The following RIMS1 variants were observed in gnomAD, a reference collection of about 807,000 sequenced individuals.
The protein encoded by RIMS1 is regulating synaptic membrane exocytosis 1.
RIMS1 carries 83 observed loss-of-function variants against 214.1 expected under a neutral mutation model. The observed-to-expected ratio is 0.39, with a 90% confidence interval of 0.32 to 0.47. RIMS1 has a LOEUF of 0.47. Among genes scored for constraint, RIMS1 ranks in the 20% least tolerant of loss-of-function variants. RIMS1 has a pLI of 0.99. For missense variants in RIMS1, 2,050 were observed against 2,161.8 expected (o/e 0.95, Z 1.03); for synonymous variants, 793 against 786.8 (o/e 1.01, Z -0.13).
chr6:71,889,937 G>C (rs918831991), intron 1 of RIMS1, among the ~76,000 whole-genome samples: 3 of 152,112 alleles, frequency 2.0e-5, no homozygotes, highest in African/African-American at 7.2e-5. Context: ...ACGGCAATTA[G>C]ACTTAAAATT....
In RIMS1 at chr6:72,235,638, A is replaced by G. The variant is rs758879273; in HGVS notation, c.1767A>G (p.Pro589=). The G allele has an allele frequency of 9.9e-6, 16 of 1,610,660 alleles. No individual in the cohort carries two copies. The highest frequency in any genetic ancestry group is 6.6e-5 in the South Asian group (6 of 90,406). Residue 589 remains proline (P), a synonymous_variant, in exon 8 of 34, where the codon CCA becomes CCG. Coordinates refer to ENST00000521978, the MANE Select transcript of RIMS1 (RefSeq NM_014989.7). ...AACAGCATCCTGTAACGTGGCAACC[A>G]TCTAAAGAGGGGGACCGATTAATTG... is the stretch of plus-strand genomic sequence containing the variant. The part of the protein sequence containing the change: ...PISSHPVTWQ[P]SKEGDRLIGR...
At chr6:72,371,317 T>C (rs1440219219) in intron 29 of RIMS1, among the ~76,000 whole-genome samples, 1 of 152,180 alleles carries the variant, frequency 6.6e-6, no homozygotes, top group African/African-American at 2.4e-5. Flanking sequence ...AATATGTCTT[T>C]GAAAAAAATT....
Position 71,886,882 on chromosome 6 carries a change from G to A in RIMS1, c.-142G>A. On this transcript the variant is annotated 5_prime_UTR_variant, in exon 1 of 34. Transcript: ENST00000521978. ...TCTCCCCGGCTCTGCTGCTGCTGCTGCTGCCGCCGCCGCCGCTGCTCCTCC... is the reference window on the plus strand; with the variant it reads ...TCTCCCCGGCTCTGCTGCTGCTGCTACTGCCGCCGCCGCCGCTGCTCCTCC... 1 of 864,388 alleles carries A rather than the reference G, an allele frequency of 1.2e-6. No homozygotes were observed. The highest frequency in any genetic ancestry group is 1.8e-6 in the Non-Finnish European group (1 of 555,110). The allele number at this position is 864,388 out of a possible 1,614,324, so 53.5% of individuals were successfully genotyped here. A position where few individuals can be genotyped will look rare whatever the true frequency, so the allele number is the denominator to read the frequency against.
At chr6:72,209,041 A>G (rs984525317) in intron 6 of RIMS1, among the ~76,000 whole-genome samples, 3 of 152,138 alleles carry the variant, frequency 2.0e-5, no homozygotes, top group African/African-American at 7.2e-5. Context: ...TCTTTTAAAC[A>G]TGCTTTTCCT....
At chr6:72,165,751 G>GA (rs1041330801) in intron 4 of RIMS1, among the ~76,000 whole-genome samples, 5 of 152,146 alleles carry the variant, frequency 3.3e-5, no homozygotes, top group African/African-American at 1.2e-4. Context: ...TGAGTAAGGA[G>GA]AAAAAATGCT....
chr6:72,314,866 GAAGT>G (rs1467835721), intron 28 of RIMS1, among the ~76,000 whole-genome samples: 1 of 152,046 alleles, frequency 6.6e-6, no homozygotes, highest in African/African-American at 2.4e-5. Flanking sequence ...AAAACAATTT[GAAGT>G]AATTTTTGTT....
chr6:72,229,791 A>G (rs1213160804), intron 6 of RIMS1, among the ~76,000 whole-genome samples: 2 of 151,892 alleles, frequency 1.3e-5, no homozygotes, highest in Non-Finnish European at 2.9e-5. Context: ...TGTTTCCCAA[A>G]TGAATATCCC....
chr6:72,051,028 A>C (rs1438349805), intron 2 of RIMS1, among the ~76,000 whole-genome samples: 13 of 152,172 alleles, frequency 8.5e-5, no homozygotes, highest in Admixed American at 8.5e-4. Flanking sequence ...TGAATTATCA[A>C]ATTTCACACT....
intron 6 of RIMS1, among the ~76,000 whole-genome samples, chr6:72,187,397 A>T (rs544736949): frequency 6.6e-6 from 1 of 152,022 alleles, no homozygotes; most frequent in African/African-American, 2.4e-5. Context: ...TGTTGTATGA[A>T]CACATATTTT....
In RIMS1 at chr6:72,330,688, C is replaced by T. The variant is rs960258038; in HGVS notation, c.4131-2912C>T. On this transcript the variant is annotated intron_variant, in intron 28 of 33. Coordinates refer to ENST00000521978, the MANE Select transcript of RIMS1 (RefSeq NM_014989.7). ...CTTAAAAGATTCAGATATGTATAAG[C>T]GATAGGAATAATTTTTCAAGAAACA... Among the ~76,000 whole-genome samples the T allele has an allele frequency of 1.9e-4, 29 of 151,318 alleles. 1 individual carries two copies. The highest frequency in any genetic ancestry group is 1.7e-3 in the Admixed American group (26 of 15,150).
rs1033283438 is a variant in RIMS1, at chr6:72,010,931, C to T, written c.245+41868C>T. 1.5e-4 allele frequency among the ~76,000 whole-genome samples: 23 copies of T among 152,224 alleles called. No individual in the cohort carries two copies. In the South Asian group the frequency reaches 2.5e-3, roughly 16 times the overall value. On this transcript the variant is annotated intron_variant, in intron 2 of 33. Transcript: ENST00000521978. Reference sequence around the variant, plus strand: ...AGGTAATTTATAGATTCAATGCCATCCCCATCAAGCTACCAATGACTTTCT... The same window carrying T: ...AGGTAATTTATAGATTCAATGCCATTCCCATCAAGCTACCAATGACTTTCT...
chr6:72,152,838 G>GGAATATATGTGTATATATGTA (rs1554253313), intron 4 of RIMS1, among the ~76,000 whole-genome samples: 2 of 20,874 alleles, frequency 9.6e-5, no homozygotes, highest in Admixed American at 5.6e-4. Flanking sequence ...GTATATATAT[G>GGAATATATGTGTATATATGTA]TATATATGGA....
chr6:72,188,210 C>T (rs1269903907), intron 6 of RIMS1, among the ~76,000 whole-genome samples: 2 of 152,198 alleles, frequency 1.3e-5, no homozygotes, highest in African/African-American at 2.4e-5. Flanking sequence ...AGGAACAATA[C>T]TTTGCATCCT....
At chr6:72,240,876 C>T (rs1430549740) in intron 9 of RIMS1, among the ~76,000 whole-genome samples, 8 of 151,690 alleles carry the variant, frequency 5.3e-5, no homozygotes, top group African/African-American at 1.5e-4. Context: ...ATTAGCTGGG[C>T]GTGGTGGTGC....
At position 71,973,409 on chromosome 6, in the gene RIMS1, A is replaced by T. The variant is rs561365557; in HGVS notation, c.245+4346A>T. Among the ~76,000 whole-genome samples the T allele has an allele frequency of 2.6e-5, 4 of 152,080 alleles. No individual in the cohort carries two copies. The South Asian group carries it at 6.2e-4, about 24-fold the overall frequency. The stretch of plus-strand genomic sequence containing the variant: ...AGGTCTCTCTCAACAGTGGCTATAA[A>T]CTCTAGCCCTGTGTCAATGGGGCTC... On this transcript the variant is annotated intron_variant, in intron 2 of 33. Coordinates refer to ENST00000521978, the MANE Select transcript of RIMS1 (RefSeq NM_014989.7).
At chr6:72,306,325 A>G (rs1303933845) in intron 26 of RIMS1, among the ~76,000 whole-genome samples, 1 of 152,112 alleles carries the variant, frequency 6.6e-6, no homozygotes, top group Non-Finnish European at 1.5e-5. Flanking sequence ...TTGTCTGGGA[A>G]GTTGGCAAAT....
intron 4 of RIMS1, among the ~76,000 whole-genome samples, chr6:72,146,907 T>C (rs1425555617): frequency 6.6e-6 from 1 of 152,244 alleles, no homozygotes; most frequent in Non-Finnish European, 1.5e-5. Context: ...ATTTTAATTA[T>C]GTACTAGGTG....
intron 28 of RIMS1, among the ~76,000 whole-genome samples, chr6:72,318,215 T>C (rs541588550): frequency 2.0e-5 from 3 of 152,292 alleles, no homozygotes; most frequent in Non-Finnish European, 2.9e-5. Context: ...TTTATTTTGA[T>C]TCTTATAGAC....
intron 22 of RIMS1, among the ~76,000 whole-genome samples, chr6:72,266,695 A>G (rs1214204300): frequency 6.6e-6 from 1 of 152,116 alleles, no homozygotes; most frequent in Non-Finnish European, 1.5e-5. Context: ...TGATATATTC[A>G]TTGATGTTGT....
Sources: allele counts gnomAD v4.1 joint callset (sites outside exome capture counted in the v4.1 genomes callset), GRCh38; gene constraint gnomAD v4.1.1; transcripts MANE v1.5; gene names NCBI Gene and HGNC (gene_info 2026-07-23, HGNC 2026-07-21).